Variants in SMC1B observed in about 807,000 individuals in gnomAD.
SMC1B encodes structural maintenance of chromosomes protein 1B.
In SMC1B, 60 loss-of-function variants were observed where a neutral mutation model predicts 157.9. The ratio of observed to expected loss-of-function variants is 0.38; its 90% CI spans 0.31 to 0.47. The LOEUF is 0.47. Ranked by LOEUF, SMC1B falls within the 20% of genes least tolerant of loss-of-function variation. SMC1B has a pLI of 0.99. For synonymous variants in SMC1B, 445 were observed against 483.0 expected, an observed-to-expected ratio of 0.92 and a Z score of 1.03; for missense variants, 1,165 against 1,426.2, an observed-to-expected ratio of 0.82 and a Z score of 2.95.
chr22:45,355,650 C>T (rs533675665), intron 19 of SMC1B, among the ~76,000 whole-genome samples: 2 of 152,138 alleles, frequency 1.3e-5, no homozygotes, highest in South Asian at 2.1e-4. Context: ...ATAGGTACTA[C>T]GGGGCAGGGA....
intron 10 of SMC1B, among the ~76,000 whole-genome samples, chr22:45,388,410 G>T (rs2087014256): frequency 6.6e-6 from 1 of 152,136 alleles, no homozygotes; most frequent in Non-Finnish European, 1.5e-5. Context: ...TAAAAAATGA[G>T]TTTGTCTTGG....
At chr22:45,396,632 C>T (rs909572489) in intron 6 of SMC1B, 146 bp from the exon 7 acceptor site, 8 of 477,230 alleles carry the variant, frequency 1.7e-5, no homozygotes, top group African/African-American at 8.0e-5. Context: ...CACCTTCCCC[C>T]GGTAAAATAA....
At chr22:45,375,380 G>A (rs2086874783) in intron 12 of SMC1B, among the ~76,000 whole-genome samples, 1 of 152,152 alleles carries the variant, frequency 6.6e-6, no homozygotes, top group Admixed American at 6.5e-5. Context: ...ACCACCTTGG[G>A]CACATGCTGT....
chr22:45,374,090 GTTTTTT>G (rs35971057), intron 12 of SMC1B, among the ~76,000 whole-genome samples: 4 of 85,514 alleles, frequency 4.7e-5, no homozygotes, highest in Non-Finnish European at 6.2e-5. Flanking sequence ...AACAAAGACG[GTTTTTT>G]TTTTTTTTTT....
At chr22:45,403,913 G>C (rs932116453) in intron 4 of SMC1B, among the ~76,000 whole-genome samples, 1 of 152,162 alleles carries the variant, frequency 6.6e-6, no homozygotes, top group South Asian at 2.1e-4. Context: ...GCTCTACAAA[G>C]TTTCATCAGA....
At chr22:45,349,387 A>G (rs915343313) in intron 23 of SMC1B, among the ~76,000 whole-genome samples, 2 of 151,292 alleles carry the variant, frequency 1.3e-5, no homozygotes, top group African/African-American at 4.9e-5. Context: ...CTTAGGCTGG[A>G]GTGCAGTGGT....
In SMC1B at chr22:45,349,750, A is replaced by G. The variant is rs1259576684; in HGVS notation, c.3473T>C (p.Leu1158Pro). The G allele has an allele frequency of 1.2e-6, 2 of 1,613,306 alleles. No individual in the cohort carries two copies. Among genetic ancestry groups the G allele is most frequent in the Non-Finnish European group, 1.7e-6 (2 of 1,179,794 alleles). ...TACTTTGCCTATGTTAGTATTGTCTAGGGCTGCATCCACTTCATCTAAAAC... is the reference window on the plus strand; with the variant it reads ...TACTTTGCCTATGTTAGTATTGTCTGGGGCTGCATCCACTTCATCTAAAAC... ...FFVLDEVDAA[L>P]DNTNIGKVSS... The change falls in exon 23 of 25, where the codon CTA (leucine) becomes CCA (proline). Residue 1158 changes from leucine to proline, a missense_variant. Coordinates refer to ENST00000357450, the MANE Select transcript of SMC1B (RefSeq NM_148674.5).
chr22:45,353,922 A>C lies in SMC1B; in HGVS notation c.3273+56T>G, dbSNP rs536913784. ...AAAAAAAAAAAAAAAAAAAAAAAAC[A>C]ACCACCACCGGTAACACAGAATTCT... On this transcript the variant is annotated intron_variant, in intron 21 of 24. Coordinates refer to ENST00000357450, the MANE Select transcript of SMC1B (RefSeq NM_148674.5). 1,137 of 1,033,192 alleles carry C rather than the reference A, an allele frequency of 1.1e-3. 15 individuals are homozygous for C. The African/African-American group carries it at 0.015, about 14-fold the overall frequency. The allele number at this position is 1,033,192 out of a possible 1,614,324, so 64.0% of individuals were successfully genotyped here.
Position 45,377,176 on chromosome 22 carries a change from C to T in SMC1B, c.2059-4884G>A, listed in dbSNP as rs886345185. On this transcript the variant is annotated intron_variant, in intron 12 of 24. Coordinates refer to ENST00000357450, the MANE Select transcript of SMC1B (RefSeq NM_148674.5). ...TATACAGTTATTTGCATGTAGGATTCTTTTAAAATTATTTTAATGTTTTCA... is the reference window on the plus strand; with the variant it reads ...TATACAGTTATTTGCATGTAGGATTTTTTTAAAATTATTTTAATGTTTTCA... Among the ~76,000 whole-genome samples the T allele has an allele frequency of 2.0e-5, 3 of 152,100 alleles. No individual in the cohort carries two copies. The South Asian group carries it at 6.2e-4, about 31-fold the overall frequency.
At chr22:45,393,564 G>A in intron 9 of SMC1B, 70 bp downstream of exon 9, 1 of 1,110,254 alleles carries the variant, frequency 9.0e-7, no homozygotes, top group Non-Finnish European at 1.3e-6. Context: ...TCCCAAATGA[G>A]AAGATACTGT....
intron 10 of SMC1B, among the ~76,000 whole-genome samples, chr22:45,389,045 A>G (rs1368630796): frequency 1.3e-5 from 2 of 151,940 alleles, no homozygotes; most frequent in Middle Eastern, 3.4e-3. Context: ...TTAAGACTAT[A>G]TTAAGTAACT....
At chr22:45,367,951 G>A (rs1377643047) in intron 15 of SMC1B, among the ~76,000 whole-genome samples, 1 of 152,160 alleles carries the variant, frequency 6.6e-6, no homozygotes, top group Non-Finnish European at 1.5e-5. Context: ...GGGAAGCAGT[G>A]AAGCCAGCTT....
rs2086655476 is a variant in SMC1B at position 45,354,967 on chromosome 22, G to A, written c.3110C>T (p.Ser1037Phe). ...ACTACACTCAATTTTACCATCTGTG[G>A]ACTCTTGAAACTTGTCTCTGACAGT... Reference protein sequence around the residue: ...LKTVRDKFQESTDAFEASRKE... With the variant: ...LKTVRDKFQEFTDAFEASRKE... The change falls in exon 20 of 25, where the codon TCC becomes TTC. Residue 1037 changes from serine to phenylalanine, a missense_variant. Coordinates refer to ENST00000357450, the MANE Select transcript of SMC1B (RefSeq NM_148674.5). 2 of 1,613,990 alleles carry A rather than the reference G, an allele frequency of 1.2e-6. No homozygotes were observed. The highest frequency in any genetic ancestry group is 1.7e-6 in the Non-Finnish European group (2 of 1,179,940).
intron 5 of SMC1B, among the ~76,000 whole-genome samples, chr22:45,399,729 C>T (rs2087170060): frequency 6.6e-6 from 1 of 152,180 alleles, no homozygotes; most frequent in East Asian, 1.9e-4. Context: ...AATGTAGAAA[C>T]AGCCTTACTG....
In SMC1B at chr22:45,412,693, G is replaced by A. The variant is rs371683799; in HGVS notation, c.109+766C>T. Among the ~76,000 whole-genome samples, 7 of 152,102 alleles carry A rather than the reference G, an allele frequency of 4.6e-5. No homozygotes were observed. The South Asian group carries it at 1.5e-3, about 32-fold the overall frequency. On this transcript the variant is annotated intron_variant, in intron 1 of 24. Transcript: ENST00000357450. Reference sequence around the variant, plus strand: ...AGCTAATTTTGGTATTATTAGTAGAGACCTCCGCAGGTCCTCTGGCCTCTC... The same window carrying A: ...AGCTAATTTTGGTATTATTAGTAGAAACCTCCGCAGGTCCTCTGGCCTCTC...
At chr22:45,360,102 G>T in intron 17 of SMC1B, 144 bp from the exon 18 acceptor site, 1 of 631,640 alleles carries the variant, frequency 1.6e-6, no homozygotes, top group Non-Finnish European at 2.7e-6. Flanking sequence ...TCTCATTGAT[G>T]CTTGTAATTT....
chr22:45,413,191 G>A (rs1302068432), intron 1 of SMC1B, among the ~76,000 whole-genome samples: 3 of 152,034 alleles, frequency 2.0e-5, no homozygotes, highest in Non-Finnish European at 2.9e-5. Context: ...AGGCGGGGCC[G>A]AGTGGAAGGG....
At chr22:45,355,181 C>G in intron 19 of SMC1B, 66 bp from the exon 20 acceptor site, 1 of 1,538,196 alleles carries the variant, frequency 6.5e-7, no homozygotes, top group Non-Finnish European at 9.0e-7. Context: ...AGGTAGGGTG[C>G]GTGTGTGGGG....
chr22:45,399,083 G>T lies in SMC1B; in HGVS notation c.1113+12C>A. 1 of 1,602,906 alleles carries T rather than the reference G, an allele frequency of 6.2e-7. No individual in the cohort carries two copies. On this transcript the variant is annotated intron_variant, in intron 6 of 24. Coordinates refer to ENST00000357450, the MANE Select transcript of SMC1B (RefSeq NM_148674.5). Reference sequence around the variant, plus strand: ...AGAAACACAAGATTTCCCCTAAGTTGTCCTTTTTTACCTGACTGGCTTCCA... The same window carrying T: ...AGAAACACAAGATTTCCCCTAAGTTTTCCTTTTTTACCTGACTGGCTTCCA...
Sources: gnomAD v4.1 joint callset for allele counts (sites outside exome capture counted in the v4.1 genomes callset) on GRCh38, gnomAD v4.1.1 for gene constraint, MANE v1.5 for transcripts, NCBI Gene and HGNC (gene_info 2026-07-23, HGNC 2026-07-21) for gene names.